The following UNC5C variants were observed in gnomAD, a reference collection of about 807,000 sequenced individuals.
The protein encoded by UNC5C is unc-5 netrin receptor C, also known as netrin receptor UNC5C.
UNC5C carries 47 observed loss-of-function variants against 99.8 expected under a neutral mutation model. The observed-to-expected ratio is 0.47, with a 90% CI of 0.37 to 0.60. The LOEUF is 0.60. Ranked by LOEUF, UNC5C falls within the 20% of genes least tolerant of loss-of-function variation. UNC5C has a pLI of 0.00. For synonymous variants in UNC5C, 487 were observed against 452.2 expected (o/e 1.08, Z -0.98); for missense variants, 1,062 against 1,165.9 (o/e 0.91, Z 1.30).
chr4:95,242,731 G>T, intron 6 of UNC5C, 138 bp from the exon 7 acceptor site: 2 of 965,442 alleles, frequency 2.1e-6, no homozygotes, highest in Non-Finnish European at 2.9e-6. Flanking sequence ...CATTTCAATT[G>T]CTGGGAACTG....
chr4:95,278,133 T>TTA (rs1298983462), intron 4 of UNC5C, 126 bp downstream of exon 4: 6 of 758,812 alleles, frequency 7.9e-6, no homozygotes, highest in Non-Finnish European at 1.3e-5. Context: ...CAGCAGGCAG[T>TTA]TAGGACTCTA....
chr4:95,480,581 G>A (rs1488965577), intron 1 of UNC5C, among the ~76,000 whole-genome samples: 2 of 151,854 alleles, frequency 1.3e-5, no homozygotes, highest in Non-Finnish European at 2.9e-5. Context: ...GATCACAATG[G>A]AATTCGCTGC....
intron 1 of UNC5C, among the ~76,000 whole-genome samples, chr4:95,397,034 A>G (rs981042283): frequency 2.2e-4 from 33 of 152,084 alleles, no homozygotes; most frequent in African/African-American, 7.5e-4. Flanking sequence ...GGAAGCCAGG[A>G]GGCTGAGTGC....
chr4:95,170,386 C>G, intron 14 of UNC5C, 54 bp from the exon 15 acceptor site: 1 of 1,572,856 alleles, frequency 6.4e-7, no homozygotes, highest in South Asian at 1.1e-5. Flanking sequence ...CAAAAGCAAT[C>G]TCTATTGAAC....
At chr4:95,482,643 A>T (rs1178727959) in intron 1 of UNC5C, among the ~76,000 whole-genome samples, 4 of 143,930 alleles carry the variant, frequency 2.8e-5, no homozygotes, top group African/African-American at 5.2e-5. Context: ...GATTAAGAAA[A>T]TGTGGCACAT....
rs1743312598 is a variant in UNC5C at position 95,335,720 on chromosome 4, A to C, written c.125-89T>G. 6 of 1,044,242 alleles carry C rather than the reference A, an allele frequency of 5.7e-6. No individual in the cohort carries two copies. In the South Asian group the frequency reaches 1.0e-4, roughly 18 times the overall value. The allele number at this position is 1,044,242 out of a possible 1,614,324, so 64.7% of individuals were successfully genotyped here. ...AGTCATGTAAAAATAGTGACTTATA[A>C]ATGCAGTAATTAAGTGATTTGAATG... On this transcript the variant is annotated intron_variant, in intron 1 of 15. Transcript: ENST00000453304.
intron 9 of UNC5C, 83 bp from the exon 10 acceptor site, chr4:95,216,294 C>T: frequency 4.0e-6 from 4 of 1,005,620 alleles, no homozygotes; most frequent in Non-Finnish European, 5.9e-6. Context: ...ACCGCGCAGC[C>T]ATAAGCCTGC....
chr4:95,283,393 C>G (rs778021168), intron 3 of UNC5C, among the ~76,000 whole-genome samples: 11 of 152,200 alleles, frequency 7.2e-5, no homozygotes, highest in Non-Finnish European at 1.2e-4. Context: ...GGCAATACTT[C>G]TTCCTGAAAA....
At chr4:95,489,608 G>A (rs899921789) in intron 1 of UNC5C, among the ~76,000 whole-genome samples, 1 of 151,692 alleles carries the variant, frequency 6.6e-6, no homozygotes, top group African/African-American at 2.4e-5. Context: ...TTATAGATGT[G>A]AGAGTCCTGC....
intron 1 of UNC5C, among the ~76,000 whole-genome samples, chr4:95,365,520 T>C (rs1474112459): frequency 6.6e-6 from 1 of 151,196 alleles, no homozygotes; most frequent in Non-Finnish European, 1.5e-5. Context: ...TACTCCATTT[T>C]GCTATTACAA....
At chr4:95,424,525 T>A (rs918189809) in intron 1 of UNC5C, among the ~76,000 whole-genome samples, 1 of 130,658 alleles carries the variant, frequency 7.7e-6, no homozygotes, top group South Asian at 2.8e-4. Context: ...TTTCTTTTTT[T>A]TTTTTTTTTT....
At chr4:95,178,276 T>C (rs867504546) in intron 14 of UNC5C, among the ~76,000 whole-genome samples, 2 of 152,226 alleles carry the variant, frequency 1.3e-5, no homozygotes, top group South Asian at 4.1e-4. Flanking sequence ...CTTTGATCTC[T>C]GTCAGGCAAA....
chr4:95,404,015 A>C (rs1020859607), intron 1 of UNC5C, among the ~76,000 whole-genome samples: 2 of 152,208 alleles, frequency 1.3e-5, no homozygotes, highest in African/African-American at 4.8e-5. Context: ...AAGGCCTGGG[A>C]GGGAAAAACC....
chr4:95,196,728 A>ATATATATTATATTTATGTAATATATAAT (rs1553952002), intron 12 of UNC5C, among the ~76,000 whole-genome samples: 2 of 93,714 alleles, frequency 2.1e-5, no homozygotes, highest in Non-Finnish European at 4.0e-5. Context: ...AAATGTACAA[A>ATATATATTATATTTATGTAATATATAAT]TATATATTAT....
intron 7 of UNC5C, among the ~76,000 whole-genome samples, chr4:95,221,634 C>A (rs1738470860): frequency 6.6e-6 from 1 of 152,214 alleles, no homozygotes; most frequent in Non-Finnish European, 1.5e-5. Flanking sequence ...TTCTTCCCAA[C>A]ATTTCCAGAA....
At chr4:95,433,005 A>G (rs903930014) in intron 1 of UNC5C, among the ~76,000 whole-genome samples, 18 of 152,118 alleles carry the variant, frequency 1.2e-4, no homozygotes, top group African/African-American at 3.9e-4. Context: ...CTTTTATGTC[A>G]GTTACGTCAA....
At chr4:95,273,968 G>A (rs1439770945) in intron 4 of UNC5C, among the ~76,000 whole-genome samples, 10 of 152,094 alleles carry the variant, frequency 6.6e-5, no homozygotes. Flanking sequence ...CTGCCTCCAT[G>A]TCACATCCAG....
intron 12 of UNC5C, among the ~76,000 whole-genome samples, chr4:95,189,607 T>C (rs1736985470): frequency 6.6e-6 from 1 of 152,200 alleles, no homozygotes. Flanking sequence ...AAAGGGCTAA[T>C]ATCCAGAATC....
chr4:95,233,482 C>T (rs1271510356), intron 7 of UNC5C, among the ~76,000 whole-genome samples: 1 of 152,092 alleles, frequency 6.6e-6, no homozygotes, highest in Non-Finnish European at 1.5e-5. Context: ...ATCCAATCTA[C>T]TGTATTGATA....
Sources: allele counts gnomAD v4.1 joint callset (sites outside exome capture counted in the v4.1 genomes callset), GRCh38; gene constraint gnomAD v4.1.1; transcripts MANE v1.5; gene names NCBI Gene and HGNC (gene_info 2026-07-23, HGNC 2026-07-21).